Variants in ZNF831 observed in about 807,000 individuals in gnomAD.
ZNF831 encodes the protein zinc finger protein 831.
A neutral mutation model predicts 95.8 loss-of-function variants in ZNF831; 59 were observed. That is an observed-to-expected ratio of 0.62 (90% confidence interval 0.50 to 0.77). The LOEUF is 0.77. Among genes scored for constraint, ZNF831 ranks in the 30% least tolerant of loss-of-function variants. ZNF831 has a pLI of 0.00. For missense variants in ZNF831, 2,205 were observed against 2,164.0 expected, an observed-to-expected ratio of 1.02 and a Z score of -0.38; for synonymous variants, 961 against 925.5, an observed-to-expected ratio of 1.04 and a Z score of -0.70.
chr20:59,151,772 C>CTT (rs969134175), intron 2 of ZNF831, among the ~76,000 whole-genome samples: 6 of 152,364 alleles, frequency 3.9e-5, no homozygotes, highest in Admixed American at 2.6e-4. Flanking sequence ...GCCTCAAATA[C>CTT]TGGTGCCGGC....
chr20:59,235,621 A>C (rs901026180), intron 4 of ZNF831, among the ~76,000 whole-genome samples: 9 of 152,254 alleles, frequency 5.9e-5, no homozygotes, highest in Admixed American at 3.3e-4. Flanking sequence ...GAACTATATT[A>C]GAATCCTCGC....
chr20:59,149,792 G>A lies in ZNF831; in HGVS notation c.-1281+3418G>A, dbSNP rs567406992. Among the ~76,000 whole-genome samples the A allele has an allele frequency of 3.9e-5, 6 of 152,344 alleles. No homozygotes were observed. In the East Asian group the frequency reaches 9.7e-4, roughly 25 times the overall value. Reference sequence around the variant, plus strand: ...TTGCCCTGAGGGCCCCAGGGAATCCGGCAAGGCCCAGTCTCCACTGCCTTT... The same window carrying A: ...TTGCCCTGAGGGCCCCAGGGAATCCAGCAAGGCCCAGTCTCCACTGCCTTT... On this transcript the variant is annotated intron_variant, in intron 2 of 7. Transcript: ENST00000637017.
In ZNF831 at chr20:59,147,273, G is replaced by A. The variant is rs1451011533; in HGVS notation, c.-1281+899G>A. Reference sequence around the variant, plus strand: ...CAAGATCTGCTGTTACATTTTGCCTGGCATTAATTAATGTCACAGGCATGT... The same window carrying A: ...CAAGATCTGCTGTTACATTTTGCCTAGCATTAATTAATGTCACAGGCATGT... On this transcript the variant is annotated intron_variant, in intron 2 of 7. Coordinates refer to the ZNF831 transcript ENST00000637017. Among the ~76,000 whole-genome samples, 4 of 152,224 alleles carry A rather than the reference G, an allele frequency of 2.6e-5. No homozygotes were observed. The East Asian group carries it at 7.7e-4, about 29-fold the overall frequency.
At chr20:59,179,165 G>T (rs1248259538) in intron 1 of ZNF831, among the ~76,000 whole-genome samples, 4 of 152,178 alleles carry the variant, frequency 2.6e-5, no homozygotes, top group Admixed American at 2.6e-4. Flanking sequence ...CAGCCCTGGG[G>T]CACCCACTGC....
At position 59,254,660 on chromosome 20, in the gene ZNF831, C is replaced by T. The variant is rs2146773482; in HGVS notation, c.4951C>T (p.Leu1651=). The part of the protein sequence containing the change: ...APSKSLKKRS[L]EGMRKQTRVE... Reference sequence around the variant, plus strand: ...TTCTAAATCCCTCAAGAAGAGGAGTCTGGAAGGAATGAGAAAGCAAACTCG... The same window carrying T: ...TTCTAAATCCCTCAAGAAGAGGAGTTTGGAAGGAATGAGAAAGCAAACTCG... The change falls in exon 6 of 6, where the codon CTG becomes TTG. Residue 1651 remains leucine, a synonymous_variant. Transcript: ENST00000371030. This position sits in a 1 kb window ranked among gnomAD's most constrained non-coding sequence, Gnocchi z 4.5. 5 of 1,614,108 alleles carry T rather than the reference C, an allele frequency of 3.1e-6. No individual in the cohort carries two copies. Among genetic ancestry groups the T allele is most frequent in the Non-Finnish European group, 4.2e-6 (5 of 1,180,034 alleles).
At position 59,254,249 on chromosome 20, in the gene ZNF831, C is replaced by G. The variant is rs763419821; in HGVS notation, c.4540C>G (p.Arg1514Gly). The G allele has an allele frequency of 1.2e-6, 2 of 1,614,016 alleles. No individual in the cohort carries two copies. Among genetic ancestry groups the G allele is most frequent in the Non-Finnish European group, 1.7e-6 (2 of 1,179,956 alleles). Residue 1514 changes from arginine to glycine, a missense_variant, in exon 6 of 6, where the codon CGA becomes GGA. Arg to Gly is a moderately radical substitution (Grantham distance 125). Transcript: ENST00000371030. This position sits in a 1 kb window ranked among gnomAD's most constrained non-coding sequence, Gnocchi z 4.5. ...CCAGGAAATTCACAGTGCTGAATCA[C>G]GAGACCACAGCCAGACTGCAGGGAG... ...IAQEIHSAES[R>G]DHSQTAGRTL...
intron 4 of ZNF831, 94 bp downstream of exon 4, chr20:59,207,150 C>G (rs1984953297): frequency 6.8e-7 from 1 of 1,481,218 alleles, no homozygotes; most frequent in African/African-American, 1.4e-5. Flanking sequence ...CAGGAGTCAG[C>G]CCCAAGTGCC....
At chr20:59,151,604 G>A (rs570503027) in intron 2 of ZNF831, among the ~76,000 whole-genome samples, 13 of 152,314 alleles carry the variant, frequency 8.5e-5, no homozygotes, top group Admixed American at 7.8e-4. Context: ...AGGCCGGTCA[G>A]GTGAATCGCT....
At chr20:59,244,105 A>G (rs1184402470) in intron 4 of ZNF831, among the ~76,000 whole-genome samples, 2 of 152,198 alleles carry the variant, frequency 1.3e-5, no homozygotes, top group African/African-American at 4.8e-5. Flanking sequence ...TGGTAAGTGA[A>G]GTGTTCTTCA....
At chr20:59,198,312 C>T (rs76360046) in intron 3 of ZNF831, among the ~76,000 whole-genome samples, 11,471 of 152,304 alleles carry the variant, frequency 0.075, 587 homozygotes, top group Non-Finnish European at 0.11. Context: ...AAAGATTTCT[C>T]ATAAAAATCT....
At chr20:59,219,899 T>C (rs1198296439) in intron 4 of ZNF831, among the ~76,000 whole-genome samples, 2 of 152,100 alleles carry the variant, frequency 1.3e-5, no homozygotes. Context: ...AGTGCACTAA[T>C]GATGGGTTCA....
chr20:59,141,387 G>A (rs575303063), intron 1 of ZNF831, among the ~76,000 whole-genome samples: 13 of 152,104 alleles, frequency 8.5e-5, no homozygotes, highest in Admixed American at 4.6e-4. Flanking sequence ...TTTGTATAAG[G>A]TGTGAGGTGT....
Position 59,191,994 on chromosome 20 carries a change from G to T in ZNF831, c.975G>T (p.Lys325Asn), listed in dbSNP as rs370529256. The stretch of plus-strand genomic sequence containing the variant: ...GGCAGCAGGCGACGGCAGCGGAGAA[G>T]CCCTGGGATGCCAAGGCCCCCGAGG... ...LQRQQATAAE[K>N]PWDAKAPEGR... Residue 325 changes from lysine to asparagine, a missense_variant, in exon 2 of 6, where the codon AAG becomes AAT. Lys to Asn is a moderately conservative substitution (Grantham distance 94). Transcript: ENST00000371030. 4.4e-6 allele frequency: 7 copies of T among 1,608,388 alleles called. No individual in the cohort carries two copies. The East Asian group carries it at 6.7e-5, about 15-fold the overall frequency.
rs1985047128 is a variant in ZNF831, at chr20:59,208,275, G to T, written c.4027+1219G>T. Among the ~76,000 whole-genome samples, 2 of 152,114 alleles carry T rather than the reference G, an allele frequency of 1.3e-5. No homozygotes were observed. ...TCCCTCCTCTGTATCCAGCGAAATTGCCCATTGGGCTGTGCTTGATACTGC... is the reference window on the plus strand; with the variant it reads ...TCCCTCCTCTGTATCCAGCGAAATTTCCCATTGGGCTGTGCTTGATACTGC... On this transcript the variant is annotated intron_variant, in intron 4 of 5. Transcript: ENST00000371030. This position sits in a 1 kb window ranked among gnomAD's most constrained non-coding sequence, Gnocchi z 4.2.
rs2146541645 is a variant in ZNF831 at position 59,191,027 on chromosome 20, T to C, written c.8T>C (p.Val3Ala). 2 of 1,482,244 alleles carry C rather than the reference T, an allele frequency of 1.3e-6. No individual in the cohort carries two copies. The highest frequency in any genetic ancestry group is 1.8e-6 in the Non-Finnish European group (2 of 1,124,532). The allele number at this position is 1,482,244 out of a possible 1,614,324, so 91.8% of individuals were successfully genotyped here. A position where few individuals can be genotyped will look rare whatever the true frequency, so the allele number is the denominator to read the frequency against. The change falls in exon 2 of 6, where the codon GTT (valine) becomes GCT (alanine). Residue 3 changes from valine to alanine, a missense_variant. Val to Ala is a moderately conservative substitution (Grantham distance 64). Coordinates refer to ENST00000371030, the MANE Select transcript of ZNF831 (RefSeq NM_178457.3). MEVPEPTCPAPPA... is the reference protein window; with the variant it reads MEAPEPTCPAPPA... ...CCATCCAGATGATGCGGAATGGAGG[T>C]TCCAGAACCCACCTGCCCTGCCCCT...
chr20:59,148,102 A>G (rs1280629366), intron 2 of ZNF831, among the ~76,000 whole-genome samples: 1 of 152,210 alleles, frequency 6.6e-6, no homozygotes, highest in East Asian at 1.9e-4. Flanking sequence ...ACTAACCTAG[A>G]GCCTGATGGG....
At chr20:59,142,978 C>A (rs1326398388) in intron 1 of ZNF831, among the ~76,000 whole-genome samples, 2 of 152,164 alleles carry the variant, frequency 1.3e-5, no homozygotes, top group African/African-American at 4.8e-5. Context: ...CTCACTGCAA[C>A]CTCGACCACC....
chr20:59,254,526 C>G lies in ZNF831; in HGVS notation c.4817C>G (p.Pro1606Arg), dbSNP rs764224482. 4 of 1,614,090 alleles carry G rather than the reference C, an allele frequency of 2.5e-6. No homozygotes were observed. Among genetic ancestry groups the G allele is most frequent in the Non-Finnish European group, 2.5e-6 (3 of 1,180,030 alleles). ...YGCGEMTVPC[P>R]SLGSDGRKRQ... ...TGTGGGGAAATGACTGTCCCCTGCCCCTCTTTAGGAAGTGACGGTAGGAAA... is the reference window on the plus strand; with the variant it reads ...TGTGGGGAAATGACTGTCCCCTGCCGCTCTTTAGGAAGTGACGGTAGGAAA... The change falls in exon 6 of 6, where the codon CCC becomes CGC. Residue 1606 changes from proline (P) to arginine (R), a missense_variant. Transcript: ENST00000371030. This position sits in a 1 kb window ranked among gnomAD's most constrained non-coding sequence, Gnocchi z 4.5.
At chr20:59,222,311 C>A (rs565336121) in intron 4 of ZNF831, among the ~76,000 whole-genome samples, 153 of 152,170 alleles carry the variant, frequency 1.0e-3, no homozygotes, top group African/African-American at 3.2e-3. Context: ...GGGTGCGGAC[C>A]CCTGGCTGGG....
Sources: gnomAD v4.1 joint callset for allele counts (sites outside exome capture counted in the v4.1 genomes callset) on GRCh38, gnomAD v4.1.1 for gene constraint, Gnocchi (gnomAD v3.1) non-coding constraint, MANE v1.5 for transcripts, NCBI Gene and HGNC (gene_info 2026-07-23, HGNC 2026-07-21) for gene names.